PCDHGB2: variants seen among roughly 807,000 people sequenced by gnomAD.
PCDHGB2 encodes protocadherin gamma-B2.
A neutral mutation model predicts 59.3 loss-of-function variants in PCDHGB2; 55 were observed. The observed-to-expected ratio is 0.93, with a 90% confidence interval of 0.75 to 1.16. The LOEUF (loss-of-function observed/expected upper bound fraction) is 1.16. Among genes scored for constraint, PCDHGB2 ranks in the 50% most tolerant of loss-of-function variants. The pLI, the probability that PCDHGB2 is intolerant of heterozygous loss-of-function variation, is 0.00. For missense variants in PCDHGB2, 1,228 were observed against 1,198.5 expected, an observed-to-expected ratio of 1.02 and a Z score of -0.36; for synonymous variants, 516 against 512.0, an observed-to-expected ratio of 1.01 and a Z score of -0.11.
chr5:141,434,564 A>C (rs2097703207), intron 1 of PCDHGB2, among the ~76,000 whole-genome samples: 1 of 152,228 alleles, frequency 6.6e-6, no homozygotes, highest in Admixed American at 6.5e-5. Context: ...CCTTAAGGAC[A>C]TGCCCCTGCT....
intron 1 of PCDHGB2, among the ~76,000 whole-genome samples, chr5:141,460,124 A>AAT (rs2098982741): frequency 6.6e-6 from 1 of 152,052 alleles, no homozygotes; most frequent in African/African-American, 2.4e-5. Context: ...TTATATATGT[A>AAT]ATATATATAT....
chr5:141,496,511 C>T (rs1161285563), intron 2 of PCDHGB2, among the ~76,000 whole-genome samples: 1 of 152,182 alleles, frequency 6.6e-6, no homozygotes, highest in Non-Finnish European at 1.5e-5. Flanking sequence ...CACAAGGACC[C>T]AGGAGCCCTT....
At chr5:141,385,719 G>A (rs970031267) in intron 1 of PCDHGB2, 6 of 232,964 alleles carry the variant, frequency 2.6e-5, no homozygotes, top group Non-Finnish European at 3.6e-5. Context: ...ATATGTAAAA[G>A]GTTCTGAAAG....
At position 141,476,242 on chromosome 5, in the gene PCDHGB2, G is replaced by A. The variant is rs369923405; in HGVS notation, c.2422-18565G>A. The A allele has an allele frequency of 6.2e-6, 10 of 1,614,100 alleles. No individual in the cohort carries two copies. The highest frequency in any genetic ancestry group is 8.5e-6 in the Non-Finnish European group (10 of 1,180,026). The stretch of plus-strand genomic sequence containing the variant: ...ACTATGAGATCCCGGAGGAAAGAGA[G>A]AAGGGTTTCGCTGTGGGCAACGTGG... On this transcript the variant is annotated intron_variant, in intron 1 of 3. Transcript: ENST00000522605. This position sits in a 1 kb window ranked among gnomAD's most constrained non-coding sequence, Gnocchi z 7.6.
chr5:141,411,969 T>G (rs2095526864), intron 1 of PCDHGB2: 1 of 152,258 alleles, frequency 6.6e-6, no homozygotes, highest in Non-Finnish European at 1.5e-5. Context: ...ATAAAATCTT[T>G]GAAGAGTTCT....
intron 1 of PCDHGB2, chr5:141,424,083 C>T (rs2096798692): frequency 4.2e-6 from 4 of 957,190 alleles, no homozygotes; most frequent in Non-Finnish European, 5.1e-6. Flanking sequence ...TATATTCCAC[C>T]ATTATTTGCT....
In PCDHGB2 at chr5:141,364,194, C is replaced by T. The variant is rs189249749; in HGVS notation, c.2421+1638C>T. The T allele has an allele frequency of 6.4e-5, 68 of 1,068,708 alleles. No homozygotes were observed. The Admixed American group carries it at 2.2e-3, about 35-fold the overall frequency. The allele number at this position is 1,068,708 out of a possible 1,614,324, so 66.2% of individuals were successfully genotyped here. A position where few individuals can be genotyped will look rare whatever the true frequency, so the allele number is the denominator to read the frequency against. On this transcript the variant is annotated intron_variant, in intron 1 of 3. Transcript: ENST00000522605. ...CTCTGCTCCCTCCATACTAAACACA[C>T]AGACCAGACAAGCTCCTACGAAAAG...
intron 1 of PCDHGB2, chr5:141,371,611 C>T (rs561217101): frequency 6.2e-7 from 1 of 1,613,878 alleles, no homozygotes. Flanking sequence ...AGGTTGGTGA[C>T]AGATGGAGCC....
chr5:141,366,865 G>C, intron 1 of PCDHGB2: 2 of 1,405,810 alleles, frequency 1.4e-6, no homozygotes, highest in South Asian at 2.9e-5. Flanking sequence ...ATTATTTGCT[G>C]TATTGGAGAT....
chr5:141,417,768 C>A lies in PCDHGB2; in HGVS notation c.2421+55212C>A, dbSNP rs1444250512. On this transcript the variant is annotated intron_variant, in intron 1 of 3. Coordinates refer to ENST00000522605, the MANE Select transcript of PCDHGB2 (RefSeq NM_018923.3). ...ATTGCCAGCTCCGAGACCCGGGACT[C>A]CTCCTGTCCTGGGCCGAATGCTCTT... is the stretch of plus-strand genomic sequence containing the variant. 1.3e-5 allele frequency: 19 copies of A among 1,451,358 alleles called. No individual in the cohort carries two copies. In the South Asian group the frequency reaches 1.7e-4, roughly 13 times the overall value. The allele number at this position is 1,451,358 out of a possible 1,614,324, so 89.9% of individuals were successfully genotyped here. A position where few individuals can be genotyped will look rare whatever the true frequency, so the allele number is the denominator to read the frequency against.
At chr5:141,364,414 C>T in intron 1 of PCDHGB2, 3 of 1,612,330 alleles carry the variant, frequency 1.9e-6, no homozygotes, top group Non-Finnish European at 2.5e-6. Flanking sequence ...AGCCAGGATC[C>T]GGGCAGATCC....
At chr5:141,394,692 C>T (rs1356120664) in intron 1 of PCDHGB2, 1 of 1,613,028 alleles carries the variant, frequency 6.2e-7, no homozygotes, top group Non-Finnish European at 8.5e-7. Context: ...GGGCGAGGTG[C>T]GCACGGCGCG....
chr5:141,472,412 G>A (rs1283620276), intron 1 of PCDHGB2, among the ~76,000 whole-genome samples: 8 of 151,940 alleles, frequency 5.3e-5, no homozygotes, highest in Non-Finnish European at 8.8e-5. Context: ...GTGGTGGCAC[G>A]CACCTGTATC....
intron 1 of PCDHGB2, among the ~76,000 whole-genome samples, chr5:141,453,517 C>A (rs1001603927): frequency 1.3e-5 from 2 of 152,062 alleles, no homozygotes; most frequent in African/African-American, 4.8e-5. Flanking sequence ...TCATTCCTCC[C>A]CTATACCTTC....
At chr5:141,468,597 T>C in intron 1 of PCDHGB2, 1 of 152,224 alleles carries the variant, frequency 6.6e-6, no homozygotes, top group East Asian at 1.9e-4. Context: ...CTGGGCGCGG[T>C]GGCTCACGCC....
At chr5:141,428,185 G>A (rs775261215) in intron 1 of PCDHGB2, 1 of 1,446,348 alleles carries the variant, frequency 6.9e-7, no homozygotes, top group Admixed American at 1.8e-5. Context: ...GAGGACAGCC[G>A]CCGCTCTCTG....
chr5:141,489,206 C>A lies in PCDHGB2; in HGVS notation c.2422-5601C>A. On this transcript the variant is annotated intron_variant, in intron 1 of 3. Transcript: ENST00000522605. This position sits in a 1 kb window ranked among gnomAD's most constrained non-coding sequence, Gnocchi z 4.5. ...TGGGTCTACCTTGGAGACAGGACAG[C>A]ACAGACTTACTCTCCACAAAGGGAC... 2 of 1,439,024 alleles carry A rather than the reference C, an allele frequency of 1.4e-6. No individual in the cohort carries two copies. Among genetic ancestry groups the A allele is most frequent in the Non-Finnish European group, 1.9e-6 (2 of 1,060,928 alleles). 89.1% of individuals were successfully genotyped at this position (1,439,024 alleles called of 1,614,324 possible). A position where few individuals can be genotyped will look rare whatever the true frequency, so the allele number is the denominator to read the frequency against.
chr5:141,449,075 T>C (rs1452456191), intron 1 of PCDHGB2, among the ~76,000 whole-genome samples: 3 of 152,240 alleles, frequency 2.0e-5, no homozygotes, highest in African/African-American at 7.2e-5. Context: ...AATAGCCCTG[T>C]ACCTACATCA....
intron 1 of PCDHGB2, among the ~76,000 whole-genome samples, chr5:141,462,897 G>A (rs2099049236): frequency 6.6e-6 from 1 of 152,130 alleles, no homozygotes; most frequent in South Asian, 2.1e-4. Context: ...TGTTTTGGAA[G>A]GCTATTATGT....
Sources: gnomAD v4.1 joint callset for allele counts (sites outside exome capture counted in the v4.1 genomes callset) on GRCh38, gnomAD v4.1.1 for gene constraint, Gnocchi (gnomAD v3.1) non-coding constraint, MANE v1.5 for transcripts, NCBI Gene and HGNC (gene_info 2026-07-23, HGNC 2026-07-21) for gene names.